Variants in DUSP15 observed in about 807,000 individuals in gnomAD.
DUSP15 encodes dual specificity protein phosphatase 15.
Under a neutral mutation model 26.3 loss-of-function variants are expected in DUSP15, and 23 were observed. The ratio of observed to expected loss-of-function variants is 0.87; its 90% CI spans 0.63 to 1.24. The LOEUF is 1.24. DUSP15 is among the 50% of genes most tolerant of loss of function. The pLI is 0.00. For synonymous variants in DUSP15, 143 were observed against 135.5 expected (o/e 1.06, Z -0.39); for missense variants, 364 against 320.6 (o/e 1.14, Z -1.03).
downstream of DUSP15, chr20:31,845,700 C>T: frequency 2.4e-6 from 2 of 832,712 alleles, no homozygotes; most frequent in Non-Finnish European, 1.8e-6. Flanking sequence ...CCATCCTCCC[C>T]TCCTCCCTCG....
At chr20:31,849,184 C>T (rs570878144) in intron 8 of DUSP15, among the ~76,000 whole-genome samples, 1 of 152,208 alleles carries the variant, frequency 6.6e-6, no homozygotes, top group Non-Finnish European at 1.5e-5. Context: ...CTATACCTAT[C>T]TCGTGCTTGG....
downstream of DUSP15, among the ~76,000 whole-genome samples, chr20:31,858,983 G>C (rs993827618): frequency 6.6e-6 from 1 of 152,190 alleles, no homozygotes; most frequent in Non-Finnish European, 1.5e-5. The surrounding 1 kb of genome is among the most constrained non-coding windows in gnomAD (Gnocchi z 4.4). Context: ...CTTACCGACT[G>C]CTCATCAGTG....
At chr20:31,857,432 CAGTTG>C (rs922519082), downstream of DUSP15, among the ~76,000 whole-genome samples, 71 of 151,850 alleles carry the variant, frequency 4.7e-4, no homozygotes, top group African/African-American at 1.5e-3. Flanking sequence ...GGTAGGATTA[CAGTTG>C]AGGCACAACT....
At chr20:31,866,034 GAAA>G (rs1417114558) in intron 3 of DUSP15, among the ~76,000 whole-genome samples, 1 of 152,218 alleles carries the variant, frequency 6.6e-6, no homozygotes, top group African/African-American at 2.4e-5. Flanking sequence ...CAATGGCCTG[GAAA>G]TTTCTTCTCT....
At chr20:31,849,752 G>T in exon 8 of DUSP15, 5 of 1,540,710 alleles carry the variant, frequency 3.2e-6, no homozygotes, top group Non-Finnish European at 4.3e-6. Flanking sequence ...TGCAACGTGA[G>T]GTGGCGGCCC....
chr20:31,869,712 G>C, intron 1 of DUSP15, 115 bp from the exon 2 acceptor site: 1 of 1,533,260 alleles, frequency 6.5e-7, no homozygotes, highest in South Asian at 1.2e-5. Flanking sequence ...GGACCTCAGG[G>C]CTCAGGGAGC....
intron 4 of DUSP15, among the ~76,000 whole-genome samples, chr20:31,864,639 T>A (rs1486764905): frequency 6.6e-6 from 1 of 152,212 alleles, no homozygotes; most frequent in Non-Finnish European, 1.5e-5. Context: ...GGAACTCAGA[T>A]GTCTTAACCC....
In DUSP15 at chr20:31,863,890, C is replaced by A. The variant is rs763405440; in HGVS notation, c.263+17G>T. ...ACTTCCTTCCTCCCCCACCTTATCC[C>A]CCTCCGCTTAACTCACCAGTGCACA... On this transcript the variant is annotated intron_variant, in intron 5 of 6. Transcript: ENST00000339738. The A allele has an allele frequency of 6.2e-7, 1 of 1,612,274 alleles. No homozygotes were observed. The highest frequency in any genetic ancestry group is 1.1e-5 in the South Asian group (1 of 91,006).
intron 6 of DUSP15, among the ~76,000 whole-genome samples, chr20:31,862,053 C>T (rs1341095576): frequency 1.3e-5 from 2 of 152,064 alleles, no homozygotes; most frequent in East Asian, 3.9e-4. Context: ...CTTCCTTGCC[C>T]GACTCTTTCC....
At chr20:31,852,008 C>CTT (rs59714323) in intron 6 of DUSP15, among the ~76,000 whole-genome samples, 1 of 127,918 alleles carries the variant, frequency 7.8e-6, no homozygotes, top group Non-Finnish European at 1.7e-5. Context: ...TTCTTTCTTT[C>CTT]TTTTTTTTTT....
At position 31,861,315 on chromosome 20, in the gene DUSP15, T is replaced by C; in HGVS notation, c.*88A>G. On this transcript the variant is annotated 3_prime_UTR_variant, in exon 7 of 7. Transcript: ENST00000339738. ...AGGCCGCCGCGGGGCTCCCCCAGCC[T>C]CTGGGCCCGTCCTGGGGGGCGTGGA... The C allele has an allele frequency of 2.9e-6, 4 of 1,388,126 alleles. No homozygotes were observed. The highest frequency in any genetic ancestry group is 3.7e-6 in the Non-Finnish European group (4 of 1,076,642). The allele number at this position is 1,388,126 out of a possible 1,614,324, so 86.0% of individuals were successfully genotyped here.
downstream of DUSP15, among the ~76,000 whole-genome samples, chr20:31,856,736 C>T (rs1174769604): frequency 6.6e-6 from 1 of 151,902 alleles, no homozygotes; most frequent in Admixed American, 6.6e-5. Context: ...GATGAGCAGG[C>T]TTGGGGTTCA....
chr20:31,867,408 G>T lies in DUSP15; in HGVS notation c.56-255C>A, dbSNP rs574421694. ...GCATATTCTTTGACCCAGCAATTCT[G>T]CTTCTAGGAATCTTGTCTACAGAAG... On this transcript the variant is annotated intron_variant, in intron 2 of 6. Transcript: ENST00000339738. Among the ~76,000 whole-genome samples the T allele has an allele frequency of 1.2e-3, 176 of 152,310 alleles. 1 individual carries two copies. Among genetic ancestry groups the T allele is most frequent in the Admixed American group, 2.4e-3 (37 of 15,302 alleles).
chr20:31,864,418 C>T lies in DUSP15; in HGVS notation c.189-437G>A, dbSNP rs112818167. On this transcript the variant is annotated intron_variant, in intron 4 of 6. Coordinates refer to ENST00000339738, the MANE Select transcript of DUSP15 (RefSeq NM_080611.5). ...ACTGTCTGCTTGGCTCCATCCCAAG[C>T]GGGGAGGCACTACTGCTGATGCCAC... The T allele has an allele frequency of 7.7e-3, 7,972 of 1,031,776 alleles. 398 individuals are homozygous for T. The East Asian group carries it at 0.11, about 15-fold the overall frequency. 63.9% of individuals were successfully genotyped at this position (1,031,776 alleles called of 1,614,324 possible).
downstream of DUSP15, among the ~76,000 whole-genome samples, chr20:31,846,193 G>A (rs529017986): frequency 6.8e-6 from 1 of 146,322 alleles, no homozygotes; most frequent in Non-Finnish European, 1.5e-5. Flanking sequence ...CACAGAGACA[G>A]ACACACACAG....
rs911513276 is a variant in DUSP15 at position 31,851,559 on chromosome 20, G to A, written c.427-883C>T. On this transcript the variant is annotated intron_variant, in intron 6 of 9. Transcript: ENST00000278979. ...GTGAAGGGAATGGCCTGGTGGTGCT[G>A]CAGATGGAGGGAGGGCTGCAGGAGA... 2.5e-4 allele frequency among the ~76,000 whole-genome samples: 38 copies of A among 152,140 alleles called. 1 individual carries two copies. Among genetic ancestry groups the A allele is most frequent in the Non-Finnish European group, 1.0e-4 (7 of 68,008 alleles).
downstream of DUSP15, among the ~76,000 whole-genome samples, chr20:31,846,293 G>GACACAC (rs71336552): frequency 7.9e-4 from 112 of 141,110 alleles, no homozygotes; most frequent in South Asian, 8.1e-3. Flanking sequence ...CACAGACACA[G>GACACAC]ACACACACAC....
downstream of DUSP15, among the ~76,000 whole-genome samples, chr20:31,857,143 G>A (rs2062574103): frequency 6.6e-6 from 1 of 152,014 alleles, no homozygotes; most frequent in South Asian, 2.1e-4. Context: ...GGAAGGAGGG[G>A]GAGGCCACAG....
chr20:31,850,687 A>C, intron 6 of DUSP15: 1 of 1,609,598 alleles, frequency 6.2e-7, no homozygotes, highest in Non-Finnish European at 8.5e-7. Context: ...CTGGTGAAGG[A>C]GAGGAAGCAG....
Sources: allele counts gnomAD v4.1 joint callset (sites outside exome capture counted in the v4.1 genomes callset), GRCh38; gene constraint gnomAD v4.1.1; non-coding constraint Gnocchi (gnomAD v3.1); transcripts MANE v1.5; gene names NCBI Gene and HGNC (gene_info 2026-07-23, HGNC 2026-07-21).